Variants in TBC1D5 observed in about 807,000 individuals in gnomAD.
The protein encoded by TBC1D5 is TBC1 domain family, member 5.
In TBC1D5, 75 loss-of-function variants were observed where a neutral mutation model predicts 100.3. The observed-to-expected ratio is 0.75, with a 90% confidence interval of 0.62 to 0.91. The LOEUF (loss-of-function observed/expected upper bound fraction) is 0.91, where lower values mean the gene tolerates loss of function less well. TBC1D5 is among the 40% of genes least tolerant of loss of function. The probability of loss-of-function intolerance (pLI) is 0.00; values close to 1 mark genes in which losing one functional copy is unlikely to be tolerated. For missense variants in TBC1D5, 910 were observed against 942.4 expected, an observed-to-expected ratio of 0.97 and a Z score of 0.45; for synonymous variants, 323 against 325.6, an observed-to-expected ratio of 0.99 and a Z score of 0.09.
At chr3:17,534,662 A>G (rs2096266175) in intron 2 of TBC1D5, among the ~76,000 whole-genome samples, 1 of 152,216 alleles carries the variant, frequency 6.6e-6, no homozygotes, top group Non-Finnish European at 1.5e-5. Context: ...CGGTGTTACA[A>G]GTGTAAGAAT....
intron 2 of TBC1D5, among the ~76,000 whole-genome samples, chr3:17,572,795 C>T (rs942483250): frequency 1.3e-5 from 2 of 151,992 alleles, no homozygotes; most frequent in Admixed American, 6.6e-5. Flanking sequence ...TCATTATTCA[C>T]TGTTTCCTTC....
chr3:17,367,196 A>G (rs1346681033), intron 13 of TBC1D5, among the ~76,000 whole-genome samples: 1 of 152,232 alleles, frequency 6.6e-6, no homozygotes. Flanking sequence ...TAAAACTGTT[A>G]AACTTCAAAT....
chr3:17,640,963 TA>T (rs200146620), intron 1 of TBC1D5, among the ~76,000 whole-genome samples: 2,535 of 143,960 alleles, frequency 0.018, 44 homozygotes, highest in South Asian at 0.049. Context: ...ATCTCAGCCT[TA>T]AAAAAAAAAA....
At chr3:17,289,148 C>T (rs751450120) in intron 15 of TBC1D5, among the ~76,000 whole-genome samples, 32 of 152,222 alleles carry the variant, frequency 2.1e-4, no homozygotes, top group East Asian at 1.9e-4. Flanking sequence ...CTGCAAGCCC[C>T]GCATGGAGTC....
rs374121555 is a variant in TBC1D5 at position 17,492,560 on chromosome 3, G to A, written c.97+15914C>T. On this transcript the variant is annotated intron_variant, in intron 3 of 21. Coordinates refer to ENST00000253692, the Ensembl canonical transcript of TBC1D5. ...AGTGAATCTCCTGCCTCAGCCTAGC[G>A]AGTAGCTGGGACTACAGGAATGTGC... Among the ~76,000 whole-genome samples the A allele has an allele frequency of 1.1e-3, 171 of 152,096 alleles. 2 individuals are homozygous for A. The South Asian group carries it at 0.018, about 16-fold the overall frequency.
At chr3:17,280,404 G>A (rs2080451895) in intron 15 of TBC1D5, among the ~76,000 whole-genome samples, 2 of 152,122 alleles carry the variant, frequency 1.3e-5, no homozygotes, top group South Asian at 4.1e-4. Context: ...CCGCTGGAAA[G>A]TTGCCTTTTC....
chr3:17,302,310 T>A (rs1052649300), intron 14 of TBC1D5, among the ~76,000 whole-genome samples: 1 of 152,134 alleles, frequency 6.6e-6, no homozygotes, highest in Non-Finnish European at 1.5e-5. Flanking sequence ...CACATTGTCT[T>A]CCCTCTGTGC....
intron 2 of TBC1D5, among the ~76,000 whole-genome samples, chr3:17,611,896 AT>A (rs1375692519): frequency 6.6e-5 from 10 of 151,936 alleles, no homozygotes; most frequent in Admixed American, 2.0e-4. Context: ...ACTAAACATT[AT>A]TCATCCACAC....
At chr3:17,226,502 T>C (rs1171759628) in intron 17 of TBC1D5, among the ~76,000 whole-genome samples, 1 of 152,040 alleles carries the variant, frequency 6.6e-6, no homozygotes, top group Non-Finnish European at 1.5e-5. Context: ...CCTGAGTTCT[T>C]CTCTGGAAAC....
chr3:17,361,055 C>T (rs1559718055), intron 13 of TBC1D5, among the ~76,000 whole-genome samples: 2 of 152,006 alleles, frequency 1.3e-5, no homozygotes, highest in Non-Finnish European at 2.9e-5. Context: ...CCTTTAGCTA[C>T]AGTATATCAA....
chr3:17,582,225 A>G (rs1478606547), intron 2 of TBC1D5, among the ~76,000 whole-genome samples: 1 of 152,318 alleles, frequency 6.6e-6, no homozygotes, highest in East Asian at 1.9e-4. Flanking sequence ...ATAGCTCCTA[A>G]AACAGTTCTC....
intron 3 of TBC1D5, among the ~76,000 whole-genome samples, chr3:17,431,495 A>T (rs1182374022): frequency 6.6e-6 from 1 of 152,016 alleles, no homozygotes; most frequent in African/African-American, 2.4e-5. Flanking sequence ...ACATGCATGA[A>T]TTATATAAAA....
At chr3:17,678,264 G>A (rs1439127211) in intron 1 of TBC1D5, among the ~76,000 whole-genome samples, 1 of 152,106 alleles carries the variant, frequency 6.6e-6, no homozygotes, top group Non-Finnish European at 1.5e-5. Context: ...AAGGTATGTA[G>A]GAGGTGAAGT....
At chr3:17,246,126 G>A (rs1037842527) in intron 16 of TBC1D5, among the ~76,000 whole-genome samples, 2 of 152,012 alleles carry the variant, frequency 1.3e-5, no homozygotes, top group Non-Finnish European at 2.9e-5. Flanking sequence ...GGGTACAGAA[G>A]CCAATAAAAT....
At chr3:17,395,297 A>G (rs1052065592) in intron 8 of TBC1D5, among the ~76,000 whole-genome samples, 5 of 152,120 alleles carry the variant, frequency 3.3e-5, no homozygotes, top group Admixed American at 3.3e-4. Flanking sequence ...ATAATGGTAA[A>G]AAATTAGGAA....
intron 2 of TBC1D5, among the ~76,000 whole-genome samples, chr3:17,540,142 T>C (rs2096334903): frequency 6.6e-6 from 1 of 152,246 alleles, no homozygotes. Context: ...TATATTTTCT[T>C]TGGAGAAATG....
intron 1 of TBC1D5, among the ~76,000 whole-genome samples, chr3:17,666,466 G>A (rs534479274): frequency 2.0e-5 from 3 of 152,116 alleles, no homozygotes; most frequent in African/African-American, 7.2e-5. Flanking sequence ...TTCTCCTTCA[G>A]ATTTCCCAAG....
At chr3:17,610,798 C>A (rs1418278705) in intron 2 of TBC1D5, among the ~76,000 whole-genome samples, 1 of 152,104 alleles carries the variant, frequency 6.6e-6, no homozygotes, top group Non-Finnish European at 1.5e-5. Context: ...AAGTGGATCA[C>A]CTGAGGTTAG....
At chr3:17,399,395 G>A (rs1575699011) in intron 8 of TBC1D5, among the ~76,000 whole-genome samples, 1 of 152,108 alleles carries the variant, frequency 6.6e-6, no homozygotes. Context: ...CAGTAAAAAC[G>A]GAACAGAAAC....
Sources: gnomAD v4.1 joint callset for allele counts (sites outside exome capture counted in the v4.1 genomes callset) on GRCh38, gnomAD v4.1.1 for gene constraint, MANE v1.5 for transcripts, NCBI Gene and HGNC (gene_info 2026-07-23, HGNC 2026-07-21) for gene names.